Variants in CRBN observed in about 807,000 individuals in gnomAD.
The protein encoded by CRBN is cereblon.
A neutral mutation model predicts 62.2 loss-of-function variants in CRBN; 53 were observed. The observed-to-expected ratio is 0.85, with a 90% CI of 0.68 to 1.07. The LOEUF (loss-of-function observed/expected upper bound fraction) is 1.07, where lower values mean the gene tolerates loss of function less well. CRBN is among the 50% of genes least tolerant of loss of function. CRBN has a pLI of 0.00. For missense variants in CRBN, 616 were observed against 531.1 expected (o/e 1.16, Z -1.57); for synonymous variants, 208 against 176.1 (o/e 1.18, Z -1.43).
intron 6 of CRBN, chr3:3,155,882 C>G (rs934602983): frequency 3.7e-6 from 1 of 269,450 alleles, no homozygotes; most frequent in Non-Finnish European, 7.1e-6. Context: ...TCTCAGCTCA[C>G]GGCAGCCTTG....
chr3:3,164,614 G>A (rs1707255965), intron 5 of CRBN, among the ~76,000 whole-genome samples: 1 of 152,190 alleles, frequency 6.6e-6, no homozygotes, highest in African/African-American at 2.4e-5. Flanking sequence ...CAGAACATCT[G>A]TTTAGATAAT....
intron 1 of CRBN, among the ~76,000 whole-genome samples, chr3:3,176,910 T>C (rs1207596894): frequency 2.6e-5 from 4 of 152,234 alleles, no homozygotes; most frequent in Non-Finnish European, 5.9e-5. Context: ...ACATATGCTA[T>C]TGTACTAACT....
At chr3:3,165,055 A>T (rs963716626) in intron 5 of CRBN, among the ~76,000 whole-genome samples, 2 of 152,192 alleles carry the variant, frequency 1.3e-5, no homozygotes, top group African/African-American at 4.8e-5. Flanking sequence ...GAGGGTTTCA[A>T]GCCTTCAGTT....
At position 3,168,300 on chromosome 3, in the gene CRBN, GT is replaced by G. The variant is rs542503788; in HGVS notation, c.528-508del. ...GGATGAATTAAAATAACACTAGAGA[GT>G]TACATGCAACCTTTCTGTGTGCATT... On this transcript the variant is annotated intron_variant, in intron 4 of 10. Coordinates refer to ENST00000231948, the MANE Select transcript of CRBN (RefSeq NM_016302.4). Among the ~76,000 whole-genome samples, 6 of 152,242 alleles carry G rather than the reference GT, an allele frequency of 3.9e-5. No individual in the cohort carries two copies. In the South Asian group the frequency reaches 1.2e-3, roughly 32 times the overall value.
intron 5 of CRBN, among the ~76,000 whole-genome samples, chr3:3,159,620 T>G (rs1265420624): frequency 1.3e-5 from 2 of 152,178 alleles, no homozygotes; most frequent in African/African-American, 4.8e-5. Context: ...CAGTTTCAGG[T>G]AGCTTCTTTT....
intron 7 of CRBN, chr3:3,154,387 G>A (rs994030143): frequency 2.3e-6 from 1 of 437,766 alleles, no homozygotes; most frequent in Non-Finnish European, 4.1e-6. Flanking sequence ...GATAAAGAGA[G>A]TATCTATAAT....
chr3:3,171,465 G>A (rs911897575), intron 4 of CRBN, among the ~76,000 whole-genome samples: 1 of 151,440 alleles, frequency 6.6e-6, no homozygotes, highest in African/African-American at 2.4e-5. Context: ...ACATAAATAA[G>A]TCTTGGTCAT....
chr3:3,152,651 AG>A, intron 9 of CRBN, 64 bp from the exon 10 acceptor site: 1 of 1,593,034 alleles, frequency 6.3e-7, no homozygotes, highest in African/African-American at 1.3e-5. Flanking sequence ...TTAAATGCTT[AG>A]AATTTTATTG....
Position 3,150,838 on chromosome 3 carries a change from A to AGAT in CRBN, c.*24_*26dup, listed in dbSNP as rs1559237966. ...GATCTTAGAATATAACCAATTTGTTAGATAACTTTATCTCTATCACATCTG... is the reference window on the plus strand; with the variant it reads ...GATCTTAGAATATAACCAATTTGTTAGATGATAACTTTATCTCTATCACATCTG... On this transcript the variant is annotated 3_prime_UTR_variant, in exon 11 of 11. Coordinates refer to ENST00000231948, the MANE Select transcript of CRBN (RefSeq NM_016302.4). The AGAT allele has an allele frequency of 6.4e-7, 1 of 1,560,042 alleles. No individual in the cohort carries two copies. The highest frequency in any genetic ancestry group is 2.2e-5 in the East Asian group (1 of 44,478).
At chr3:3,179,528 G>T in intron 1 of CRBN, 93 bp downstream of exon 1, 1 of 1,274,118 alleles carries the variant, frequency 7.8e-7, no homozygotes, top group Non-Finnish European at 1.1e-6. Flanking sequence ...CAGGCTTGGC[G>T]CCCCCACGCC....
intron 9 of CRBN, 58 bp downstream of exon 9, chr3:3,153,366 C>T: frequency 2.1e-6 from 2 of 975,096 alleles, no homozygotes; most frequent in Non-Finnish European, 3.3e-6. Context: ...AACAGAAATA[C>T]AGTCTTCATT....
At position 3,150,555 on chromosome 3, in the gene CRBN, T is replaced by C. The variant is rs577119206; in HGVS notation, c.*310A>G. 4.3e-6 allele frequency: 1 copy of C among 230,498 alleles called. No homozygotes were observed. The highest frequency in any genetic ancestry group is 5.2e-5 in the Admixed American group (1 of 19,152). 14.3% of individuals were successfully genotyped at this position (230,498 alleles called of 1,614,324 possible). On this transcript the variant is annotated 3_prime_UTR_variant, in exon 11 of 11. Coordinates refer to ENST00000231948, the MANE Select transcript of CRBN (RefSeq NM_016302.4). ...TTTAACACAGGAAATAATCTCATCA[T>C]TTCCAAAGATGTCTTCATGTCCCAT... is the stretch of plus-strand genomic sequence containing the variant.
At chr3:3,177,269 A>C (rs919201536) in intron 1 of CRBN, among the ~76,000 whole-genome samples, 2 of 152,246 alleles carry the variant, frequency 1.3e-5, no homozygotes, top group Admixed American at 6.5e-5. Flanking sequence ...CGAAATAATC[A>C]TTTGTTTTCC....
chr3:3,170,396 A>C (rs948695082), intron 4 of CRBN, among the ~76,000 whole-genome samples: 3 of 152,162 alleles, frequency 2.0e-5, no homozygotes, highest in African/African-American at 7.2e-5. Context: ...ATGAATATTA[A>C]ATATTTTACT....
At chr3:3,161,842 TAC>T (rs1156268798) in intron 5 of CRBN, among the ~76,000 whole-genome samples, 2 of 152,254 alleles carry the variant, frequency 1.3e-5, no homozygotes, top group East Asian at 3.8e-4. Context: ...GGACTGGTTA[TAC>T]AGTGTATCCA....
intron 1 of CRBN, among the ~76,000 whole-genome samples, chr3:3,178,785 T>C (rs991478895): frequency 6.6e-6 from 1 of 152,184 alleles, no homozygotes; most frequent in Non-Finnish European, 1.5e-5. Context: ...ACTTGTCATA[T>C]AACGAAGGGA....
rs1466269895 is a variant in CRBN, at chr3:3,150,964, T to TA, written c.1229_1230insT (p.Pro411ThrfsTer20). Reference sequence around the variant, plus strand: ...GCGTTAAGCCCCAAAATTTTTGAGGTGACATGTCTTTTTTGGTGGCCGTAA... The same window carrying TA: ...GCGTTAAGCCCCAAAATTTTTGAGGTAGACATGTCTTTTTTGGTGGCCGTAA... On this transcript the variant is annotated frameshift_variant, in exon 11 of 11. Coordinates refer to ENST00000231948, the MANE Select transcript of CRBN (RefSeq NM_016302.4). LOFTEE classifies it high-confidence loss of function. 1 of 1,614,068 alleles carries TA rather than the reference T, an allele frequency of 6.2e-7. No individual in the cohort carries two copies. Among genetic ancestry groups the TA allele is most frequent in the Non-Finnish European group, 8.5e-7 (1 of 1,180,000 alleles).
chr3:3,159,195 G>A (rs989274026), intron 5 of CRBN, among the ~76,000 whole-genome samples: 1 of 152,082 alleles, frequency 6.6e-6, no homozygotes, highest in African/African-American at 2.4e-5. Context: ...GACTAATACA[G>A]TGCCTAACAT....
intron 3 of CRBN, 142 bp downstream of exon 3, chr3:3,173,917 T>C: frequency 1.4e-6 from 1 of 738,568 alleles, no homozygotes; most frequent in Non-Finnish European, 2.4e-6. Context: ...ATCAAACTTC[T>C]ACTTAACCAA....
Sources: gnomAD v4.1 joint callset for allele counts (sites outside exome capture counted in the v4.1 genomes callset) on GRCh38, gnomAD v4.1.1 for gene constraint, MANE v1.5 for transcripts, NCBI Gene and HGNC (gene_info 2026-07-23, HGNC 2026-07-21) for gene names.